The following FAM78B variants were observed in gnomAD, a reference collection of about 807,000 sequenced individuals.
The protein encoded by FAM78B is protein FAM78B.
A neutral mutation model predicts 20.0 loss-of-function variants in FAM78B; 10 were observed. The ratio of observed to expected loss-of-function variants is 0.50; its 90% CI spans 0.31 to 0.85. The LOEUF is 0.85. Ranked by LOEUF, FAM78B falls within the 40% of genes least tolerant of loss-of-function variation. The pLI, the probability that FAM78B is intolerant of heterozygous loss-of-function variation, is 0.05. For missense variants in FAM78B, 283 were observed against 345.0 expected (o/e 0.82, Z 1.42); for synonymous variants, 135 against 132.8 (o/e 1.02, Z -0.12).
rs1651935019 is a variant in FAM78B, at chr1:166,069,619, G to A, written c.*622C>T. ...CATCAGCACCTTGGACAGTTCCAAGGAGGCTTTCTCCCTCAGAAAGGAGCA... is the reference window on the plus strand; with the variant it reads ...CATCAGCACCTTGGACAGTTCCAAGAAGGCTTTCTCCCTCAGAAAGGAGCA... On this transcript the variant is annotated 3_prime_UTR_variant, in exon 2 of 2. Transcript: ENST00000354422. The A allele has an allele frequency of 6.6e-6, 1 of 152,262 alleles. No individual in the cohort carries two copies. Among genetic ancestry groups the A allele is most frequent in the Non-Finnish European group, 1.5e-5 (1 of 68,056 alleles). 9.4% of individuals were successfully genotyped at this position (152,262 alleles called of 1,614,324 possible).
intron 1 of FAM78B, among the ~76,000 whole-genome samples, chr1:166,076,108 G>C (rs1168893532): frequency 6.6e-6 from 1 of 152,102 alleles, no homozygotes; most frequent in Admixed American, 6.5e-5. Flanking sequence ...TCAACTTTGC[G>C]TCCCTGTTCT....
intron 1 of FAM78B, among the ~76,000 whole-genome samples, chr1:166,153,054 T>C (rs1655745691): frequency 6.6e-6 from 1 of 152,132 alleles, no homozygotes; most frequent in Non-Finnish European, 1.5e-5. Flanking sequence ...TCACAAGTAA[T>C]TTTCTTTATA....
intron 1 of FAM78B, among the ~76,000 whole-genome samples, chr1:166,108,834 T>G (rs1449069069): frequency 3.9e-5 from 6 of 151,978 alleles, no homozygotes; most frequent in Admixed American, 3.9e-4. Flanking sequence ...TGGAACAAAA[T>G]AGAGAACCCA....
chr1:166,111,769 A>C (rs959068844), intron 1 of FAM78B, among the ~76,000 whole-genome samples: 1 of 152,220 alleles, frequency 6.6e-6, no homozygotes, highest in African/African-American at 2.4e-5. Flanking sequence ...GCACATAATA[A>C]GCACTCAGCA....
chr1:166,065,780 T>C (rs1473206017), downstream of FAM78B, among the ~76,000 whole-genome samples: 1 of 152,238 alleles, frequency 6.6e-6, no homozygotes, highest in Non-Finnish European at 1.5e-5. Context: ...AATAAGACTC[T>C]GGGGTAAAAA....
At chr1:166,073,045 C>CAACAACAA (rs759188107) in intron 1 of FAM78B, among the ~76,000 whole-genome samples, 1 of 152,024 alleles carries the variant, frequency 6.6e-6, no homozygotes, top group East Asian at 1.9e-4. Context: ...TGAAAAACAA[C>CAACAACAA]AACAACAAAA....
chr1:166,085,017 C>G (rs1449012054), intron 1 of FAM78B, among the ~76,000 whole-genome samples: 5 of 152,088 alleles, frequency 3.3e-5, no homozygotes, highest in Non-Finnish European at 7.4e-5. Flanking sequence ...GCACTTATTT[C>G]TTTTTACCTT....
chr1:166,097,864 TC>T (rs929452817), intron 1 of FAM78B, among the ~76,000 whole-genome samples: 5 of 151,692 alleles, frequency 3.3e-5, no homozygotes, highest in Non-Finnish European at 5.9e-5. Context: ...CACCAGTTCC[TC>T]CCCATAATAC....
chr1:166,140,770 C>G (rs185952213), intron 1 of FAM78B, among the ~76,000 whole-genome samples: 1 of 152,294 alleles, frequency 6.6e-6, no homozygotes, highest in Non-Finnish European at 1.5e-5. Flanking sequence ...GATTTGTATC[C>G]TCCCTGATCA....
chr1:166,138,546 A>G (rs4656479), intron 1 of FAM78B, among the ~76,000 whole-genome samples: 143,138 of 152,202 alleles, frequency 0.94, 67,994 homozygotes, highest in East Asian at 1. Context: ...TGTTAGAATA[A>G]AGAGATCACA....
chr1:166,163,270 G>C (rs1656227553), intron 1 of FAM78B, among the ~76,000 whole-genome samples: 1 of 152,126 alleles, frequency 6.6e-6, no homozygotes, highest in Non-Finnish European at 1.5e-5. Context: ...TCACCAGCCT[G>C]GTTTCTATAG....
intron 1 of FAM78B, among the ~76,000 whole-genome samples, chr1:166,094,397 C>T (rs114275977): frequency 0.021 from 3,161 of 152,274 alleles, 45 homozygotes; most frequent in Non-Finnish European, 0.032. Context: ...CATGCCATGG[C>T]GGGGCTCTCC....
At chr1:166,059,924 G>A (rs1024732960) in exon 3 of FAM78B, 1 of 152,312 alleles carries the variant, frequency 6.6e-6, no homozygotes, top group East Asian at 1.9e-4. Flanking sequence ...ATTTTGTGTT[G>A]TATAATAAAT....
intron 1 of FAM78B, among the ~76,000 whole-genome samples, chr1:166,084,214 C>CACAT (rs1226686619): frequency 7.8e-6 from 1 of 127,786 alleles, no homozygotes; most frequent in Admixed American, 8.3e-5. Context: ...ACCACACACA[C>CACAT]ACACACACAC....
chr1:166,100,418 G>C (rs948666443), intron 1 of FAM78B, among the ~76,000 whole-genome samples: 6 of 152,324 alleles, frequency 3.9e-5, no homozygotes, highest in Admixed American at 2.6e-4. Context: ...GGAAGTGCAA[G>C]GGGTCAGGGA....
At chr1:166,152,469 C>G (rs1655713119) in intron 1 of FAM78B, among the ~76,000 whole-genome samples, 1 of 152,092 alleles carries the variant, frequency 6.6e-6, no homozygotes, top group Non-Finnish European at 1.5e-5. Flanking sequence ...CTCTTGATAT[C>G]CAGGCCTTTA....
intron 1 of FAM78B, among the ~76,000 whole-genome samples, chr1:166,162,087 A>C (rs545565838): frequency 6.7e-4 from 102 of 152,354 alleles, no homozygotes; most frequent in Non-Finnish European, 1.3e-3. Flanking sequence ...GCAGTTCCAC[A>C]CAGAGAAGCC....
At chr1:166,081,842 T>C (rs1025950332) in intron 1 of FAM78B, among the ~76,000 whole-genome samples, 5 of 152,332 alleles carry the variant, frequency 3.3e-5, no homozygotes, top group African/African-American at 1.2e-4. Context: ...GGAATCGATG[T>C]GGGCAGCATT....
chr1:166,145,100 G>A (rs1218823798), intron 1 of FAM78B, among the ~76,000 whole-genome samples: 1 of 152,086 alleles, frequency 6.6e-6, no homozygotes, highest in Non-Finnish European at 1.5e-5. Flanking sequence ...CCTCAACTTG[G>A]GTCAGGTCTA....
Sources: gnomAD v4.1 joint callset for allele counts (sites outside exome capture counted in the v4.1 genomes callset) on GRCh38, gnomAD v4.1.1 for gene constraint, MANE v1.5 for transcripts, NCBI Gene and HGNC (gene_info 2026-07-23, HGNC 2026-07-21) for gene names.